The following ATF7 variants were observed in gnomAD, a reference collection of about 807,000 sequenced individuals.
ATF7 encodes the protein cyclic AMP-dependent transcription factor ATF-7.
In ATF7, 10 loss-of-function variants were observed where a neutral mutation model predicts 50.4. The observed-to-expected ratio is 0.20, with a 90% CI of 0.12 to 0.34. The LOEUF (loss-of-function observed/expected upper bound fraction) is 0.34, where lower values mean the gene tolerates loss of function less well. Among genes scored for constraint, ATF7 ranks in the 10% least tolerant of loss-of-function variants. The pLI is 1.00. For missense variants in ATF7, 465 were observed against 613.9 expected, an observed-to-expected ratio of 0.76 and a Z score of 2.56; for synonymous variants, 201 against 226.4, an observed-to-expected ratio of 0.89 and a Z score of 1.01.
intron 3 of ATF7, among the ~76,000 whole-genome samples, chr12:53,549,419 T>C (rs893645208): frequency 6.6e-6 from 1 of 151,816 alleles, no homozygotes; most frequent in Non-Finnish European, 1.5e-5. Context: ...TTTTTTTTTT[T>C]CAAGACAGAG....
At chr12:53,573,474 G>A (rs1941884891) in intron 2 of ATF7, among the ~76,000 whole-genome samples, 1 of 152,082 alleles carries the variant, frequency 6.6e-6, no homozygotes, top group Non-Finnish European at 1.5e-5. Context: ...TGGATTCAAT[G>A]TAGTGCTTGG....
chr12:53,533,282 TG>T, intron 6 of ATF7, 23 bp from the exon 7 acceptor site: 1 of 1,554,966 alleles, frequency 6.4e-7, no homozygotes, highest in Non-Finnish European at 8.9e-7. Flanking sequence ...TGAAGTGAAA[TG>T]CTCATAACAC....
At chr12:53,562,488 A>C (rs1182995327) in intron 2 of ATF7, among the ~76,000 whole-genome samples, 2 of 152,054 alleles carry the variant, frequency 1.3e-5, no homozygotes, top group African/African-American at 2.4e-5. Context: ...TAAAAAATAC[A>C]AAAAATTAGC....
chr12:53,531,925 G>C, intron 8 of ATF7, 29 bp from the exon 9 acceptor site: 4 of 1,610,832 alleles, frequency 2.5e-6, no homozygotes, highest in Non-Finnish European at 2.5e-6. Context: ...AAAAATGCTT[G>C]TTAAGGATCA....
At chr12:53,580,460 C>T (rs1454162188) in intron 2 of ATF7, among the ~76,000 whole-genome samples, 1 of 148,988 alleles carries the variant, frequency 6.7e-6, no homozygotes, top group East Asian at 2.1e-4. Flanking sequence ...GTCAGGAGAT[C>T]GAGACCATCC....
intron 1 of ATF7, among the ~76,000 whole-genome samples, chr12:53,625,327 T>C (rs1185505955): frequency 6.6e-6 from 1 of 152,126 alleles, no homozygotes; most frequent in Non-Finnish European, 1.5e-5. Context: ...GCGTTCTATT[T>C]TTCTCCTTCT....
intron 1 of ATF7, among the ~76,000 whole-genome samples, chr12:53,601,292 A>G (rs1213911680): frequency 1.3e-5 from 2 of 152,234 alleles, no homozygotes; most frequent in African/African-American, 4.8e-5. Flanking sequence ...CTACTACAGT[A>G]TATAACACAC....
chr12:53,542,182 T>C (rs1939605709), intron 4 of ATF7, among the ~76,000 whole-genome samples: 2 of 146,070 alleles, frequency 1.4e-5, no homozygotes, highest in Non-Finnish European at 3.0e-5. Context: ...TCCCAGCCCT[T>C]TGGGAGGCCG....
chr12:53,537,302 C>G, intron 5 of ATF7, 113 bp downstream of exon 5: 1 of 1,332,646 alleles, frequency 7.5e-7, no homozygotes, highest in Non-Finnish European at 1.0e-6. Flanking sequence ...TTTCTGGGCT[C>G]AAGTGATTCT....
Position 53,619,474 on chromosome 12 carries a change from G to A in ATF7, c.-22+6805C>T, listed in dbSNP as rs574870044. Among the ~76,000 whole-genome samples, 9 of 136,274 alleles carry A rather than the reference G, an allele frequency of 6.6e-5. No individual in the cohort carries two copies. The South Asian group carries it at 1.4e-3, about 21-fold the overall frequency. The allele number at this position is 136,274 out of a possible 152,430, so 89.4% of individuals were successfully genotyped here. A position where few individuals can be genotyped will look rare whatever the true frequency, so the allele number is the denominator to read the frequency against. On this transcript the variant is annotated intron_variant, in intron 1 of 11. Coordinates refer to ENST00000420353, the MANE Select transcript of ATF7 (RefSeq NM_006856.3). ...TGCACTGCATCCTGGGAGACAGAGC[G>A]AGACTCCGTGTCAAAAAAAAAAAAA... is the stretch of plus-strand genomic sequence containing the variant.
chr12:53,561,998 C>T (rs1941150806), intron 2 of ATF7, among the ~76,000 whole-genome samples: 1 of 152,290 alleles, frequency 6.6e-6, no homozygotes, highest in East Asian at 1.9e-4. Context: ...GGACAACCCA[C>T]CAAACTGTAC....
At chr12:53,541,612 A>G (rs1223009343) in intron 4 of ATF7, among the ~76,000 whole-genome samples, 1 of 152,174 alleles carries the variant, frequency 6.6e-6, no homozygotes, top group Non-Finnish European at 1.5e-5. Context: ...GCGCCTCAGG[A>G]TTAGAAGGGA....
At chr12:53,545,146 T>C (rs576810988) in intron 3 of ATF7, among the ~76,000 whole-genome samples, 14 of 152,310 alleles carry the variant, frequency 9.2e-5, no homozygotes, top group Admixed American at 7.8e-4. Flanking sequence ...TCCTGCACCC[T>C]GCTGTTCAGG....
At chr12:53,584,942 AT>A (rs1484813329) in intron 2 of ATF7, among the ~76,000 whole-genome samples, 1 of 152,098 alleles carries the variant, frequency 6.6e-6, no homozygotes, top group Non-Finnish European at 1.5e-5. Context: ...CAGTGAAACT[AT>A]TCTGTATGAT....
intron 1 of ATF7, among the ~76,000 whole-genome samples, chr12:53,604,415 A>C (rs1198578609): frequency 6.6e-6 from 1 of 152,238 alleles, no homozygotes. Flanking sequence ...TAAAATGGTC[A>C]CTGTGTAAGA....
chr12:53,584,529 T>C (rs554673892), intron 2 of ATF7, among the ~76,000 whole-genome samples: 4 of 152,348 alleles, frequency 2.6e-5, no homozygotes, highest in Non-Finnish European at 2.9e-5. Flanking sequence ...ATCACACTCA[T>C]TGATATTTAC....
At chr12:53,587,545 T>C (rs1394657320) in intron 2 of ATF7, among the ~76,000 whole-genome samples, 1 of 150,330 alleles carries the variant, frequency 6.7e-6, no homozygotes, top group African/African-American at 2.4e-5. Context: ...TTCACACCTG[T>C]AGTCTCAGCT....
At chr12:53,621,491 T>A (rs1374810461) in intron 1 of ATF7, among the ~76,000 whole-genome samples, 4 of 152,012 alleles carry the variant, frequency 2.6e-5, no homozygotes, top group Non-Finnish European at 5.9e-5. Context: ...TGTCAAAAAA[T>A]CAACTACATG....
At chr12:53,527,381 C>T (rs1353319066) in intron 9 of ATF7, among the ~76,000 whole-genome samples, 1 of 151,316 alleles carries the variant, frequency 6.6e-6, no homozygotes, top group Non-Finnish European at 1.5e-5. Context: ...TCTTAGGAGG[C>T]TCTAGTGGGA....
Sources: gnomAD v4.1 joint callset for allele counts (sites outside exome capture counted in the v4.1 genomes callset) on GRCh38, gnomAD v4.1.1 for gene constraint, MANE v1.5 for transcripts, NCBI Gene and HGNC (gene_info 2026-07-23, HGNC 2026-07-21) for gene names.